Variants in CDHR3 observed in about 807,000 individuals in gnomAD.
The protein encoded by CDHR3 is cadherin related family member 3.
Under a neutral mutation model 86.6 loss-of-function variants are expected in CDHR3, and 79 were observed. The observed-to-expected ratio is 0.91, with a 90% confidence interval of 0.76 to 1.10. The LOEUF (loss-of-function observed/expected upper bound fraction) is 1.10. Ranked by LOEUF, CDHR3 falls within the 50% of genes least tolerant of loss-of-function variation. CDHR3 has a pLI of 0.00. For synonymous variants in CDHR3, 421 were observed against 402.4 expected (o/e 1.05, Z -0.55); for missense variants, 1,081 against 1,077.6 (o/e 1.00, Z -0.04).
At position 105,994,742 on chromosome 7, in the gene CDHR3, G is replaced by GC. The variant is rs1276314121; in HGVS notation, c.514-9_514-8insC. The GC allele has an allele frequency of 1.9e-6, 3 of 1,600,962 alleles. No homozygotes were observed. The East Asian group carries it at 6.7e-5, about 36-fold the overall frequency. On this transcript the variant is annotated splice_polypyrimidine_tract_variant and intron_variant, in intron 4 of 18. Transcript: ENST00000317716. ...CTGATTTCATCAATTTTTTTCCCTTGTTTTTTAGTATTTCCTGATTTCTCC... is the reference window on the plus strand; with the variant it reads ...CTGATTTCATCAATTTTTTTCCCTTGCTTTTTTAGTATTTCCTGATTTCTCC...
chr7:106,013,617 G>A (rs1835139819), intron 9 of CDHR3, among the ~76,000 whole-genome samples: 2 of 152,268 alleles, frequency 1.3e-5, no homozygotes, highest in South Asian at 4.2e-4. Context: ...GGAAGGAGAA[G>A]AGAAAAATGA....
intron 4 of CDHR3, among the ~76,000 whole-genome samples, chr7:105,986,666 G>T (rs901732631): frequency 2.0e-5 from 3 of 152,058 alleles, no homozygotes; most frequent in Admixed American, 6.6e-5. Context: ...GACAAAAAGG[G>T]GTATGACATA....
At chr7:105,975,289 G>C (rs1404860176) in intron 2 of CDHR3, among the ~76,000 whole-genome samples, 1 of 152,168 alleles carries the variant, frequency 6.6e-6, no homozygotes, top group Non-Finnish European at 1.5e-5. Context: ...TGCAAATAGA[G>C]AGCTGCTTCT....
At chr7:106,031,642 T>G (rs1585885296) in intron 18 of CDHR3, among the ~76,000 whole-genome samples, 1 of 152,340 alleles carries the variant, frequency 6.6e-6, no homozygotes, top group East Asian at 1.9e-4. Flanking sequence ...GTGCCCACAT[T>G]AGCATAAGTG....
rs191277331 is a variant in CDHR3 at position 105,969,925 on chromosome 7, G to T, written c.47-4919G>T. ...TAGCACCATAGCCCTGAGAGACAGA[G>T]TTGACAGGAACCCCCAGAGAAGTCA... On this transcript the variant is annotated intron_variant, in intron 1 of 18. Coordinates refer to ENST00000317716, the MANE Select transcript of CDHR3 (RefSeq NM_152750.5). Among the ~76,000 whole-genome samples, 230 of 152,250 alleles carry T rather than the reference G, an allele frequency of 1.5e-3. 2 individuals carry two copies. The highest frequency in any genetic ancestry group is 4.8e-3 in the South Asian group (23 of 4,824).
chr7:105,969,968 C>T (rs767202107), intron 1 of CDHR3, among the ~76,000 whole-genome samples: 6 of 152,104 alleles, frequency 3.9e-5, no homozygotes, highest in Non-Finnish European at 7.4e-5. Context: ...AGCCTAAGGT[C>T]ACACAGTCAA....
chr7:106,018,996 C>T (rs932935456), intron 12 of CDHR3, among the ~76,000 whole-genome samples: 1 of 152,128 alleles, frequency 6.6e-6, no homozygotes, highest in Non-Finnish European at 1.5e-5. Context: ...TCCATGTTGT[C>T]AGTGGTTTGG....
intron 1 of CDHR3, among the ~76,000 whole-genome samples, chr7:105,966,132 T>C (rs1393308627): frequency 1.3e-5 from 2 of 152,106 alleles, no homozygotes; most frequent in Non-Finnish European, 2.9e-5. Context: ...GACAAAGCAG[T>C]CATCTGGCTC....
At chr7:105,986,719 A>G (rs1005921917) in intron 4 of CDHR3, among the ~76,000 whole-genome samples, 1 of 152,184 alleles carries the variant, frequency 6.6e-6, no homozygotes, top group Non-Finnish European at 1.5e-5. Flanking sequence ...CTGTTTGTTC[A>G]GATTCTTCTT....
intron 2 of CDHR3, among the ~76,000 whole-genome samples, chr7:105,976,630 C>A (rs2727745): frequency 0.25 from 38,693 of 152,020 alleles, 5,593 homozygotes; most frequent in East Asian, 0.67. Context: ...TCCCTCCAAT[C>A]CCTGGCAACC....
intron 17 of CDHR3, among the ~76,000 whole-genome samples, chr7:106,028,984 CTTTCTTTCTTTT>C (rs1837900596): frequency 2.1e-5 from 3 of 142,842 alleles, no homozygotes; most frequent in Non-Finnish European, 3.1e-5. Context: ...TTCTTTCTTT[CTTTCTTTCTTTT>C]TAAGACACAG....
chr7:105,979,468 A>G (rs1014008515), intron 2 of CDHR3, among the ~76,000 whole-genome samples: 3 of 152,174 alleles, frequency 2.0e-5, no homozygotes, highest in Non-Finnish European at 2.9e-5. Context: ...AGAACTTGCA[A>G]TGTCCAACAT....
Position 106,015,038 on chromosome 7 carries a change from T to C in CDHR3, c.1225-73T>C, listed in dbSNP as rs1347703149. On this transcript the variant is annotated intron_variant, in intron 9 of 18. Transcript: ENST00000317716. The stretch of plus-strand genomic sequence containing the variant: ...AATTTATATATCCACTAGCAGTATA[T>C]GAAAATGTCTCTCGCAGCCCAATAA... The C allele has an allele frequency of 5.6e-6, 7 of 1,256,524 alleles. No homozygotes were observed. In the African/African-American group the frequency reaches 7.5e-5, roughly 13 times the overall value. The allele number at this position is 1,256,524 out of a possible 1,614,324, so 77.8% of individuals were successfully genotyped here.
rs769622513 is a variant in CDHR3 at position 106,016,006 on chromosome 7, T to C, written c.1407T>C (p.Asp469=). 6 of 1,611,412 alleles carry C rather than the reference T, an allele frequency of 3.7e-6. No individual in the cohort carries two copies. In the South Asian group the frequency reaches 4.4e-5, roughly 12 times the overall value. ...TTGATAGGCCATCCTATGTATTTGA[T>C]GTGTCAGAAAGAAGGCCCGGTAAGT... ...LIFDRPSYVF[D]VSERRPARTR... Residue 469 remains aspartate, a synonymous_variant, in exon 11 of 19, where the codon GAT becomes GAC. Transcript: ENST00000317716.
In CDHR3 at chr7:106,035,111, G is replaced by A. The variant is rs1374551721; in HGVS notation, c.*2414G>A. Among the ~76,000 whole-genome samples the A allele has an allele frequency of 6.6e-6, 1 of 151,702 alleles. No homozygotes were observed. Among genetic ancestry groups the A allele is most frequent in the Admixed American group, 6.6e-5 (1 of 15,218 alleles). ...AAAAAAAAAAAAAGAATAATTAAAA[G>A]GAGAGAGTGGTGAGCAGCTGGTCTT... On this transcript the variant is annotated 3_prime_UTR_variant, in exon 19 of 19. Coordinates refer to ENST00000317716, the MANE Select transcript of CDHR3 (RefSeq NM_152750.5).
intron 3 of CDHR3, among the ~76,000 whole-genome samples, chr7:105,983,403 A>T (rs995175262): frequency 6.6e-6 from 1 of 152,210 alleles, no homozygotes; most frequent in South Asian, 2.1e-4. Flanking sequence ...TTCTCATTTG[A>T]AAAGCACTAA....
intron 6 of CDHR3, among the ~76,000 whole-genome samples, chr7:105,998,850 C>T (rs149835667): frequency 6.6e-6 from 1 of 151,728 alleles, no homozygotes; most frequent in East Asian, 1.9e-4. Flanking sequence ...TCCCTGTGCA[C>T]AGAGCTTGCT....
intron 2 of CDHR3, among the ~76,000 whole-genome samples, chr7:105,978,675 T>A (rs1218202830): frequency 6.6e-6 from 1 of 152,182 alleles, no homozygotes; most frequent in African/African-American, 2.4e-5. Context: ...CAGAATGACT[T>A]GGCAAGTCTG....
chr7:106,031,478 G>A (rs1838352820), intron 18 of CDHR3, among the ~76,000 whole-genome samples: 1 of 152,216 alleles, frequency 6.6e-6, no homozygotes, highest in Non-Finnish European at 1.5e-5. Flanking sequence ...AATTCAGGAG[G>A]CAAGTGTGTT....
Sources: allele counts gnomAD v4.1 joint callset (sites outside exome capture counted in the v4.1 genomes callset), GRCh38; gene constraint gnomAD v4.1.1; transcripts MANE v1.5; gene names NCBI Gene and HGNC (gene_info 2026-07-23, HGNC 2026-07-21).